The following CWH43 variants were observed in gnomAD, a reference collection of about 807,000 sequenced individuals.
The protein encoded by CWH43 is PGAP2-interacting protein.
Under a neutral mutation model 85.7 loss-of-function variants are expected in CWH43, and 91 were observed. That is an observed-to-expected ratio of 1.06 (90% CI 0.90 to 1.26). CWH43 has a LOEUF of 1.26. CWH43 is among the 50% of genes most tolerant of loss of function. The pLI is 0.00. For missense variants in CWH43, 869 were observed against 839.2 expected, an observed-to-expected ratio of 1.04 and a Z score of -0.44; for synonymous variants, 323 against 293.6, an observed-to-expected ratio of 1.10 and a Z score of -1.02.
rs71600797 is a variant in CWH43 at position 49,039,306 on chromosome 4, G to GATATATAT, written c.1803+1146_1803+1153dup. Among the ~76,000 whole-genome samples the GATATATAT allele has an allele frequency of 6.3e-3, 29 of 4,600 alleles. 6 individuals are homozygous for GATATATAT. In the East Asian group the frequency reaches 0.089, roughly 14 times the overall value. The allele number at this position is 4,600 out of a possible 152,430, so 3.0% of individuals were successfully genotyped here. On this transcript the variant is annotated intron_variant, in intron 13 of 15. Coordinates refer to ENST00000226432, the MANE Select transcript of CWH43 (RefSeq NM_025087.3). ...ACACAAATCAAATTCTCAGGAGACT[G>GATATATAT]ATATATATATATATATATATATATA...
intron 12 of CWH43, 138 bp from the exon 13 acceptor site, chr4:49,037,898 G>GCTTCCC: frequency 3.0e-6 from 2 of 658,224 alleles, no homozygotes; most frequent in East Asian, 5.3e-5. Context: ...TTTGTATAAT[G>GCTTCCC]TTAAGACAGT....
intron 14 of CWH43, among the ~76,000 whole-genome samples, chr4:49,049,901 T>C (rs1032227253): frequency 6.6e-6 from 1 of 152,192 alleles, no homozygotes. Context: ...ACCTGACTTA[T>C]TGTAAACATA....
chr4:49,041,317 G>C lies in CWH43; in HGVS notation c.1803+3137G>C, dbSNP rs184187288. Among the ~76,000 whole-genome samples the C allele has an allele frequency of 2.7e-3, 417 of 152,236 alleles. 3 individuals are homozygous for C. The highest frequency in any genetic ancestry group is 9.4e-3 in the African/African-American group (389 of 41,532). ...TAGCCTGATGGGGATGACATTGAAT[G>C]TATAAATTACCTTGGGCAGTGTGGC... On this transcript the variant is annotated intron_variant, in intron 13 of 15. Transcript: ENST00000226432.
intron 14 of CWH43, among the ~76,000 whole-genome samples, chr4:49,049,676 C>T (rs1230102336): frequency 6.6e-6 from 1 of 152,200 alleles, no homozygotes; most frequent in South Asian, 2.1e-4. Context: ...ATATTTCCAC[C>T]TCAGGACCTT....
At chr4:49,014,099 G>T (rs1783454198) in intron 8 of CWH43, among the ~76,000 whole-genome samples, 1 of 152,148 alleles carries the variant, frequency 6.6e-6, no homozygotes, top group Admixed American at 6.5e-5. Context: ...ATTTCCAAAA[G>T]AAATATCACA....
chr4:49,003,842 C>A lies in CWH43; in HGVS notation c.910C>A (p.His304Asn), dbSNP rs1428676119. The change falls in exon 7 of 16, where the codon CAC becomes AAC. Residue 304 changes from histidine (H) to asparagine (N), a missense_variant. Physicochemically the swap from His to Asn is moderately conservative, Grantham distance 68 (BLOSUM62 1). Around this residue, in one of 3 missense-constraint regions of CWH43, gnomAD observed 577 missense variants for 513.1 expected, o/e 1.12. Transcript: ENST00000226432. The stretch of plus-strand genomic sequence containing the variant: ...ATCCATGTGGCCCCAAACACTTGGA[C>A]ACCTTATTAACTCAGGGACAAACCC... ...TASMWPQTLG[H>N]LINSGTNPGK... 6.2e-7 allele frequency: 1 copy of A among 1,614,014 alleles called. No homozygotes were observed. The highest frequency in any genetic ancestry group is 1.7e-5 in the Admixed American group (1 of 59,980).
intron 13 of CWH43, among the ~76,000 whole-genome samples, chr4:49,041,524 C>T (rs377762265): frequency 6.6e-6 from 1 of 152,172 alleles, no homozygotes; most frequent in East Asian, 1.9e-4. Context: ...TGGGAGTTCA[C>T]TCATGATTTG....
chr4:49,050,850 G>C lies in CWH43; in HGVS notation c.2021+1G>C. The C allele has an allele frequency of 6.2e-7, 1 of 1,610,330 alleles. No homozygotes were observed. Among genetic ancestry groups the C allele is most frequent in the Non-Finnish European group, 8.5e-7 (1 of 1,177,788 alleles). ...CTGAGAAAATTCATTTTAATCCCAG[G>C]TGAGTTCCTTTATGCTGTAGTTCCA... On this transcript the variant is annotated splice_donor_variant, in intron 15 of 15. Transcript: ENST00000226432. LOFTEE classifies it high-confidence loss of function.
intron 7 of CWH43, chr4:49,006,990 G>A (rs1783179203): frequency 2.4e-6 from 1 of 413,046 alleles, no homozygotes. Context: ...CTGGGGTCCT[G>A]TCATTTAAAG....
chr4:49,045,848 T>C (rs1162225776), intron 14 of CWH43, among the ~76,000 whole-genome samples: 1 of 152,180 alleles, frequency 6.6e-6, no homozygotes, highest in African/African-American at 2.4e-5. Context: ...ATCAATTACC[T>C]TAAACATTTA....
chr4:49,021,343 G>C (rs1419818200), intron 9 of CWH43, among the ~76,000 whole-genome samples: 6 of 151,990 alleles, frequency 3.9e-5, no homozygotes, highest in Non-Finnish European at 8.8e-5. Context: ...TGTTTGCTAT[G>C]TCAAAGATCA....
chr4:48,992,209 C>T lies in CWH43; in HGVS notation c.511+119C>T. On this transcript the variant is annotated intron_variant, in intron 4 of 15. Transcript: ENST00000226432. This position sits in a 1 kb window ranked among gnomAD's most constrained non-coding sequence, Gnocchi z 4.3. ...TTTCTGCATTATATCTATATTTCAG[C>T]TTTTTCTTCCTCTGAAATAATAATT... is the stretch of plus-strand genomic sequence containing the variant. 1.2e-6 allele frequency: 1 copy of T among 864,484 alleles called. No individual in the cohort carries two copies. The allele number at this position is 864,484 out of a possible 1,614,324, so 53.6% of individuals were successfully genotyped here.
intron 15 of CWH43, among the ~76,000 whole-genome samples, chr4:49,059,932 A>G (rs1263902317): frequency 6.6e-6 from 1 of 151,892 alleles, no homozygotes; most frequent in Non-Finnish European, 1.5e-5. Flanking sequence ...ATTGGGATAG[A>G]TCTGGAACCT....
intron 11 of CWH43, 164 bp downstream of exon 11, chr4:49,031,124 A>T (rs1221264945): frequency 8.0e-6 from 5 of 626,942 alleles, no homozygotes; most frequent in Non-Finnish European, 1.3e-5. Context: ...GTAATTTTTC[A>T]AATGGTTTTT....
intron 4 of CWH43, among the ~76,000 whole-genome samples, chr4:48,993,831 T>C (rs1782728965): frequency 6.6e-6 from 1 of 152,166 alleles, no homozygotes; most frequent in African/African-American, 2.4e-5. Context: ...CTCAGCGCAC[T>C]GCAACCCCTG....
At chr4:49,012,370 G>C (rs114925095) in intron 8 of CWH43, among the ~76,000 whole-genome samples, 2,997 of 152,202 alleles carry the variant, frequency 0.02, 54 homozygotes, top group Non-Finnish European at 0.028. Flanking sequence ...TTAGCCATTC[G>C]TCTAACATTT....
chr4:48,992,702 G>A lies in CWH43; in HGVS notation c.511+612G>A, dbSNP rs1335752508. Among the ~76,000 whole-genome samples, 1 of 152,154 alleles carries A rather than the reference G, an allele frequency of 6.6e-6. No homozygotes were observed. ...ACCCGAGACTCTTCTAAAAAGAAGG[G>A]AGAGGTATTAGTGGATTCTAGTTAA... On this transcript the variant is annotated intron_variant, in intron 4 of 15. Transcript: ENST00000226432. This position sits in a 1 kb window ranked among gnomAD's most constrained non-coding sequence, Gnocchi z 4.3.
chr4:49,061,760 C>T (rs1785165392), intron 15 of CWH43, 52 bp from the exon 16 acceptor site: 3 of 1,238,368 alleles, frequency 2.4e-6, no homozygotes, highest in Non-Finnish European at 3.2e-6. Context: ...ACATACCTTT[C>T]TGAATGGTTT....
chr4:49,014,854 A>G (rs187949583), intron 8 of CWH43, among the ~76,000 whole-genome samples: 1 of 152,162 alleles, frequency 6.6e-6, no homozygotes, highest in East Asian at 1.9e-4. Flanking sequence ...ACATTTGTTA[A>G]AATAAATGAA....
Sources: gnomAD v4.1 joint callset for allele counts (sites outside exome capture counted in the v4.1 genomes callset) on GRCh38, gnomAD v4.1.1 for gene constraint, gnomAD v4.1.1 regional missense constraint, Gnocchi (gnomAD v3.1) non-coding constraint, MANE v1.5 for transcripts, NCBI Gene and HGNC (gene_info 2026-07-23, HGNC 2026-07-21) for gene names.